AGAP3: variants seen among roughly 807,000 people sequenced by gnomAD.
The protein encoded by AGAP3 is arf-GAP with GTPase, ANK repeat and PH domain-containing protein 3.
A neutral mutation model predicts 96.9 loss-of-function variants in AGAP3; 24 were observed. The ratio of observed to expected loss-of-function variants is 0.25; its 90% CI spans 0.18 to 0.35. The LOEUF is 0.35. Among genes scored for constraint, AGAP3 ranks in the 10% least tolerant of loss-of-function variants. AGAP3 has a pLI of 1.00. For synonymous variants in AGAP3, 563 were observed against 536.1 expected, an observed-to-expected ratio of 1.05 and a Z score of -0.69; for missense variants, 876 against 1,254.2, an observed-to-expected ratio of 0.70 and a Z score of 4.55.
intron 8 of AGAP3, among the ~76,000 whole-genome samples, chr7:151,121,826 C>T (rs72617357): frequency 0.035 from 5,365 of 152,280 alleles, 296 homozygotes; most frequent in East Asian, 0.21. Flanking sequence ...GGGTGTATCT[C>T]GGGACCTCCC....
At chr7:151,123,258 G>T in intron 8 of AGAP3, 2 of 1,053,970 alleles carry the variant, frequency 1.9e-6, no homozygotes, top group South Asian at 6.2e-5. Context: ...CCTAGGATCC[G>T]CATTCGGGTG....
Position 151,141,874 on chromosome 7 carries a change from A to G in AGAP3, c.1805-24A>G. On this transcript the variant is annotated intron_variant, in intron 13 of 17. Coordinates refer to ENST00000397238, the MANE Select transcript of AGAP3 (RefSeq NM_031946.7). This position sits in a 1 kb window ranked among gnomAD's most constrained non-coding sequence, Gnocchi z 4.2. Reference sequence around the variant, plus strand: ...GTGTGCACGCAGGCCAGGAGCCCTGATGGCATAAACACCCCCCCAACAGAG... The same window carrying G: ...GTGTGCACGCAGGCCAGGAGCCCTGGTGGCATAAACACCCCCCCAACAGAG... 6.2e-7 allele frequency: 1 copy of G among 1,614,102 alleles called. No homozygotes were observed. The highest frequency in any genetic ancestry group is 1.1e-5 in the South Asian group (1 of 91,078).
chr7:151,129,203 C>A (rs1202716574), intron 10 of AGAP3, among the ~76,000 whole-genome samples: 1 of 152,040 alleles, frequency 6.6e-6, no homozygotes, highest in Non-Finnish European at 1.5e-5. Context: ...TGCAGCTCCC[C>A]CACCCTTCTT....
chr7:151,110,767 G>C (rs1331270110), intron 1 of AGAP3, among the ~76,000 whole-genome samples: 2 of 152,180 alleles, frequency 1.3e-5, no homozygotes, highest in African/African-American at 4.8e-5. Flanking sequence ...ACATTTAGGA[G>C]GGAGCGCCAC....
intron 1 of AGAP3, among the ~76,000 whole-genome samples, chr7:151,088,182 C>A (rs571620771): frequency 6.6e-6 from 1 of 152,350 alleles, no homozygotes; most frequent in Non-Finnish European, 1.5e-5. Flanking sequence ...GATAGTGCAC[C>A]TGAACACCTC....
chr7:151,135,119 C>T (rs1800543292), intron 11 of AGAP3, among the ~76,000 whole-genome samples: 1 of 152,200 alleles, frequency 6.6e-6, no homozygotes, highest in South Asian at 2.1e-4. Context: ...GAAAGGCCTC[C>T]TGTCCCCAGC....
chr7:151,138,258 C>T lies in AGAP3; in HGVS notation c.1611C>T (p.Ser537=), dbSNP rs769170490. ...GLHQRSCSVS[S]ADQWSEATTS... ...ACCAGCGCTCCTGCTCCGTTTCCAG[C>T]GCCGACCAGTGGAGTGAGGCCACCA... The change falls in exon 12 of 18, where the codon AGC becomes AGT. Residue 537 remains serine, a synonymous_variant. Coordinates refer to ENST00000397238, the MANE Select transcript of AGAP3 (RefSeq NM_031946.7). The T allele has an allele frequency of 8.7e-6, 14 of 1,612,754 alleles. No homozygotes were observed. Among genetic ancestry groups the T allele is most frequent in the Middle Eastern group, 1.6e-4 (1 of 6,080 alleles).
intron 12 of AGAP3, 28 bp downstream of exon 12, chr7:151,138,341 C>T: frequency 6.3e-7 from 1 of 1,584,338 alleles, no homozygotes; most frequent in Non-Finnish European, 8.6e-7. Context: ...TGCTTCCCAC[C>T]TTTTCTGGGG....
chr7:151,088,331 C>A (rs1798242658), intron 1 of AGAP3, among the ~76,000 whole-genome samples: 1 of 152,230 alleles, frequency 6.6e-6, no homozygotes, highest in Non-Finnish European at 1.5e-5. Context: ...GTTCTTATTT[C>A]TTTCCTCTCA....
At chr7:151,100,512 G>A (rs1459185161) in intron 1 of AGAP3, among the ~76,000 whole-genome samples, 6 of 152,148 alleles carry the variant, frequency 3.9e-5, no homozygotes, top group Admixed American at 1.3e-4. Flanking sequence ...CCTGGCTATC[G>A]AGTAATTAGC....
At chr7:151,099,342 CA>C (rs11322956) in intron 1 of AGAP3, among the ~76,000 whole-genome samples, 63,489 of 135,698 alleles carry the variant, frequency 0.47, 14,220 homozygotes, top group East Asian at 0.58. Context: ...GACTCCATCT[CA>C]AAAAAAAAAA....
At position 151,120,642 on chromosome 7, in the gene AGAP3, C is replaced by T. The variant is rs879006132; in HGVS notation, c.1128+497C>T. ...GGCTCTTTTTCCGTTACCCCACTGC[C>T]GAGGGGAAAATTCATGCTTTCCACC... On this transcript the variant is annotated intron_variant, in intron 8 of 17. Transcript: ENST00000397238. 30 of 1,286,450 alleles carry T rather than the reference C, an allele frequency of 2.3e-5. No individual in the cohort carries two copies. The Admixed American group carries it at 2.8e-4, about 12-fold the overall frequency. The allele number at this position is 1,286,450 out of a possible 1,614,324, so 79.7% of individuals were successfully genotyped here. A position where few individuals can be genotyped will look rare whatever the true frequency, so the allele number is the denominator to read the frequency against.
At chr7:151,105,205 C>T (rs934865248) in intron 1 of AGAP3, among the ~76,000 whole-genome samples, 1 of 152,188 alleles carries the variant, frequency 6.6e-6, no homozygotes, top group African/African-American at 2.4e-5. Context: ...AGAGGATTTT[C>T]CTCTCCTCAT....
rs1383217767 is a variant in AGAP3, at chr7:151,118,250, C to T, written c.747C>T (p.Ser249=). The change falls in exon 6 of 18, where the codon AGC becomes AGT. Residue 249 remains serine, a synonymous_variant. Transcript: ENST00000397238. This position sits in a 1 kb window ranked among gnomAD's most constrained non-coding sequence, Gnocchi z 6.1. The part of the protein sequence containing the change: ...SAANPRVIDD[S]RARKLSTDLK... Reference sequence around the variant, plus strand: ...CGAATCCCCGGGTTATCGACGACAGCAGAGCCCGCAAGCTCTCCACAGATC... The same window carrying T: ...CGAATCCCCGGGTTATCGACGACAGTAGAGCCCGCAAGCTCTCCACAGATC... 5 of 1,612,970 alleles carry T rather than the reference C, an allele frequency of 3.1e-6. No homozygotes were observed. In the Admixed American group the frequency reaches 6.7e-5, roughly 22 times the overall value.
At chr7:151,120,413 C>G (rs1799823292) in intron 8 of AGAP3, 3 of 672,484 alleles carry the variant, frequency 4.5e-6, no homozygotes, top group Non-Finnish European at 8.1e-6. Context: ...CACACTCACC[C>G]TCCCCGCCGC....
At chr7:151,116,974 C>T (rs1585073451) in intron 2 of AGAP3, 121 bp from the exon 3 acceptor site, 1 of 1,476,894 alleles carries the variant, frequency 6.8e-7, no homozygotes, top group South Asian at 1.2e-5. Context: ...GCCCTCTCTG[C>T]CCTCTCTCCT....
At chr7:151,122,499 T>TGCCGCCC (rs920156831) in intron 8 of AGAP3, among the ~76,000 whole-genome samples, 5 of 149,984 alleles carry the variant, frequency 3.3e-5, no homozygotes, top group Admixed American at 2.0e-4. Context: ...CAGGTGCCGC[T>TGCCGCCC]GCCGCCCGCC....
intron 2 of AGAP3, 25 bp downstream of exon 2, chr7:151,116,876 C>T (rs769380610): frequency 1.1e-5 from 17 of 1,609,044 alleles, no homozygotes; most frequent in Admixed American, 3.4e-5. Context: ...TGGGCAGCAC[C>T]GGCGGCCTGG....
chr7:151,131,648 T>G (rs1800407776), intron 10 of AGAP3, among the ~76,000 whole-genome samples: 1 of 152,196 alleles, frequency 6.6e-6, no homozygotes, highest in Non-Finnish European at 1.5e-5. Flanking sequence ...TCCGGGGCTG[T>G]GGGTGCCGGC....
Sources: allele counts gnomAD v4.1 joint callset (sites outside exome capture counted in the v4.1 genomes callset), GRCh38; gene constraint gnomAD v4.1.1; non-coding constraint Gnocchi (gnomAD v3.1); transcripts MANE v1.5; gene names NCBI Gene and HGNC (gene_info 2026-07-23, HGNC 2026-07-21).